The following CACNA2D3 variants were observed in gnomAD, a reference collection of about 807,000 sequenced individuals.
CACNA2D3 encodes voltage-dependent calcium channel subunit alpha-2/delta-3.
Under a neutral mutation model 160.6 loss-of-function variants are expected in CACNA2D3, and 60 were observed. The ratio of observed to expected loss-of-function variants is 0.37; its 90% CI spans 0.30 to 0.46. The LOEUF is 0.46. Ranked by LOEUF, CACNA2D3 falls within the 20% of genes least tolerant of loss-of-function variation. The pLI, the probability that CACNA2D3 is intolerant of heterozygous loss-of-function variation, is 1.00. For missense variants in CACNA2D3, 1,205 were observed against 1,365.0 expected (o/e 0.88, Z 1.85); for synonymous variants, 558 against 492.9 (o/e 1.13, Z -1.75).
At chr3:54,466,170 C>T (rs1700622213) in intron 4 of CACNA2D3, among the ~76,000 whole-genome samples, 1 of 152,186 alleles carries the variant, frequency 6.6e-6, no homozygotes, top group Non-Finnish European at 1.5e-5. Context: ...TTAATTTCAT[C>T]TGCAAAATAC....
intron 11 of CACNA2D3, among the ~76,000 whole-genome samples, chr3:54,664,342 C>T (rs1700026001): frequency 6.6e-6 from 1 of 152,212 alleles, no homozygotes; most frequent in African/African-American, 2.4e-5. Flanking sequence ...GGATGCTTGA[C>T]CTTGCATTTC....
chr3:54,798,379 C>CA lies in CACNA2D3; in HGVS notation c.1381-18466dup, dbSNP rs901454138. Among the ~76,000 whole-genome samples, 35 of 151,412 alleles carry CA rather than the reference C, an allele frequency of 2.3e-4. 1 individual carries two copies. The East Asian group carries it at 2.7e-3, about 12-fold the overall frequency. On this transcript the variant is annotated intron_variant, in intron 13 of 37. Coordinates refer to ENST00000474759, the MANE Select transcript of CACNA2D3 (RefSeq NM_018398.3). ...GAAACCCCATCTGTACTAAAAATAC[C>CA]AAAAAAAATAGCCAGGCGCGTTGGC...
At chr3:54,188,660 C>T (rs1034881021) in intron 2 of CACNA2D3, among the ~76,000 whole-genome samples, 20 of 152,204 alleles carry the variant, frequency 1.3e-4, no homozygotes, top group Non-Finnish European at 2.9e-5. Flanking sequence ...AGAATTGCTT[C>T]ACGGCTGTAG....
chr3:54,478,683 T>TATATATATATATATATATATATATATA (rs1553692205), intron 4 of CACNA2D3, among the ~76,000 whole-genome samples: 1 of 139,862 alleles, frequency 7.1e-6, no homozygotes, highest in Non-Finnish European at 1.5e-5. Flanking sequence ...TATATATTGC[T>TATATATATATATATATATATATATATA]TGTCATTCTG....
intron 10 of CACNA2D3, among the ~76,000 whole-genome samples, chr3:54,628,924 G>C (rs578082722): frequency 6.6e-6 from 1 of 152,106 alleles, no homozygotes; most frequent in African/African-American, 2.4e-5. Flanking sequence ...GGAAGGACCT[G>C]TCCTGTGGAA....
chr3:54,266,526 T>C (rs1702520074), intron 2 of CACNA2D3, among the ~76,000 whole-genome samples: 1 of 152,058 alleles, frequency 6.6e-6, no homozygotes. Flanking sequence ...GTTGCATGGG[T>C]ATCTTAGGAA....
At chr3:54,797,155 G>T (rs1363607866) in intron 13 of CACNA2D3, among the ~76,000 whole-genome samples, 1 of 152,180 alleles carries the variant, frequency 6.6e-6, no homozygotes, top group Non-Finnish European at 1.5e-5. Context: ...AATTTACACT[G>T]GAACAAGCTA....
At chr3:55,052,805 C>T (rs1704259753) in intron 35 of CACNA2D3, among the ~76,000 whole-genome samples, 1 of 152,114 alleles carries the variant, frequency 6.6e-6, no homozygotes, top group Non-Finnish European at 1.5e-5. Flanking sequence ...ATAGCTACTG[C>T]AGGTTCATTG....
chr3:54,794,456 T>A (rs1001014187), intron 13 of CACNA2D3, among the ~76,000 whole-genome samples: 1 of 152,190 alleles, frequency 6.6e-6, no homozygotes. Context: ...AGAAATCTTA[T>A]AGTTACCCAC....
Position 54,565,609 on chromosome 3 carries a change from T to C in CACNA2D3, c.676+2678T>C, listed in dbSNP as rs1160044018. On this transcript the variant is annotated intron_variant, in intron 6 of 37. Coordinates refer to ENST00000474759, the MANE Select transcript of CACNA2D3 (RefSeq NM_018398.3). The stretch of plus-strand genomic sequence containing the variant: ...ACAGGGGTAGTGAGCACTTGAAGTG[T>C]GCTAGGTGAGGCTGAGGAACTGAAA... Among the ~76,000 whole-genome samples the C allele has an allele frequency of 2.6e-5, 4 of 152,188 alleles. No individual in the cohort carries two copies. The East Asian group carries it at 7.7e-4, about 29-fold the overall frequency.
chr3:54,243,130 A>C (rs1231183649), intron 2 of CACNA2D3, among the ~76,000 whole-genome samples: 1 of 151,874 alleles, frequency 6.6e-6, no homozygotes, highest in Non-Finnish European at 1.5e-5. Context: ...CCAAGATTGT[A>C]CCCCCTGTCC....
At position 54,595,935 on chromosome 3, in the gene CACNA2D3, C is replaced by G. The variant is rs1702945505; in HGVS notation, c.963+14058C>G. Among the ~76,000 whole-genome samples the G allele has an allele frequency of 2.6e-5, 4 of 152,076 alleles. No individual in the cohort carries two copies. The South Asian group carries it at 8.3e-4, about 32-fold the overall frequency. On this transcript the variant is annotated intron_variant, in intron 9 of 37. Transcript: ENST00000474759. ...CCACAGAGGAGCAAAGCCATTTACTCTATATAGGGCCCCTTGAATGCCACT... is the reference window on the plus strand; with the variant it reads ...CCACAGAGGAGCAAAGCCATTTACTGTATATAGGGCCCCTTGAATGCCACT...
At chr3:54,656,633 G>T (rs1230046506) in intron 11 of CACNA2D3, among the ~76,000 whole-genome samples, 1 of 152,192 alleles carries the variant, frequency 6.6e-6, no homozygotes, top group Non-Finnish European at 1.5e-5. Flanking sequence ...CAGAAAATTA[G>T]GGGCCCACAG....
At chr3:54,181,749 C>T (rs779665611) in intron 2 of CACNA2D3, among the ~76,000 whole-genome samples, 35 of 152,146 alleles carry the variant, frequency 2.3e-4, no homozygotes, top group Non-Finnish European at 5.0e-4. Context: ...GTTGCACATG[C>T]TTCTTATTGA....
chr3:54,979,755 CA>C lies in CACNA2D3; in HGVS notation c.2557-4851del, dbSNP rs1471467890. ...ACTTTCTTCCTCTATTCTAATGTCA[CA>C]ATCTCCAACATTATCAGAAATCTGC... On this transcript the variant is annotated intron_variant, in intron 29 of 37. Coordinates refer to ENST00000474759, the MANE Select transcript of CACNA2D3 (RefSeq NM_018398.3). Among the ~76,000 whole-genome samples the C allele has an allele frequency of 6.6e-5, 10 of 152,272 alleles. No homozygotes were observed. The East Asian group carries it at 1.5e-3, about 24-fold the overall frequency.
intron 13 of CACNA2D3, among the ~76,000 whole-genome samples, chr3:54,771,735 A>G (rs1464874042): frequency 1.3e-5 from 2 of 152,128 alleles, no homozygotes; most frequent in African/African-American, 4.8e-5. Flanking sequence ...AATTAACTCC[A>G]AGTCAATTGA....
At chr3:54,448,685 A>G (rs958703321) in intron 4 of CACNA2D3, among the ~76,000 whole-genome samples, 3 of 152,202 alleles carry the variant, frequency 2.0e-5, no homozygotes, top group African/African-American at 7.2e-5. Flanking sequence ...GTGGGCACCA[A>G]TACCCCATGA....
chr3:54,697,459 A>G lies in CACNA2D3; in HGVS notation c.1168-55140A>G, dbSNP rs536345640. On this transcript the variant is annotated intron_variant, in intron 11 of 37. Coordinates refer to ENST00000474759, the MANE Select transcript of CACNA2D3 (RefSeq NM_018398.3). ...CATTTGGCTGAACGAACTTTAGAGC[A>G]TCAGCTTTTCTAATCCTACAGTTTC... is the stretch of plus-strand genomic sequence containing the variant. Among the ~76,000 whole-genome samples, 19 of 152,296 alleles carry G rather than the reference A, an allele frequency of 1.2e-4. No homozygotes were observed. The South Asian group carries it at 3.9e-3, about 32-fold the overall frequency.
intron 3 of CACNA2D3, among the ~76,000 whole-genome samples, chr3:54,338,448 C>T (rs192274829): frequency 1.4e-5 from 2 of 146,760 alleles, no homozygotes; most frequent in East Asian, 2.1e-4. Context: ...CTTTTTATAG[C>T]TCTCTTCATC....
Sources: allele counts gnomAD v4.1 joint callset (sites outside exome capture counted in the v4.1 genomes callset), GRCh38; gene constraint gnomAD v4.1.1; transcripts MANE v1.5; gene names NCBI Gene and HGNC (gene_info 2026-07-23, HGNC 2026-07-21).